PRIM2: variants seen among roughly 807,000 people sequenced by gnomAD.
The protein encoded by PRIM2 is DNA primase large subunit.
PRIM2 carries 39 observed loss-of-function variants against 67.3 expected under a neutral mutation model. The observed-to-expected ratio is 0.58, with a 90% confidence interval of 0.45 to 0.76. The LOEUF is 0.76. PRIM2 is among the 30% of genes least tolerant of loss of function. The pLI is 0.00. For missense variants in PRIM2, 398 were observed against 598.7 expected (o/e 0.66, Z 3.50); for synonymous variants, 143 against 198.7 (o/e 0.72, Z 2.36).
intron 7 of PRIM2, among the ~76,000 whole-genome samples, chr6:57,456,744 C>A (rs1332129817): frequency 9.9e-5 from 15 of 151,994 alleles, no homozygotes; most frequent in African/African-American, 3.1e-4. Flanking sequence ...CTTCCTCCTG[C>A]AGCTTGGAGT....
chr6:57,268,251 C>T, the PRIM2 span, among the ~76,000 whole-genome samples: 1 of 152,136 alleles, frequency 6.6e-6, no homozygotes, highest in Non-Finnish European at 1.5e-5. Flanking sequence ...GGAATGTAGC[C>T]AGAATGCCCA....
chr6:57,561,455 A>G (rs1775628036), intron 10 of PRIM2, among the ~76,000 whole-genome samples: 1 of 152,076 alleles, frequency 6.6e-6, no homozygotes, highest in African/African-American at 2.4e-5. Context: ...CTGGTCTCGA[A>G]CTCCTGAGCT....
chr6:57,478,584 C>T (rs2127404773), intron 7 of PRIM2, among the ~76,000 whole-genome samples: 1 of 152,172 alleles, frequency 6.6e-6, no homozygotes, highest in Admixed American at 6.5e-5. Flanking sequence ...ATTATTTAAT[C>T]TTGACTTTGT....
chr6:57,587,929 G>A (rs1294115701), intron 10 of PRIM2, among the ~76,000 whole-genome samples: 63 of 152,262 alleles, frequency 4.1e-4, no homozygotes, highest in Non-Finnish European at 6.0e-4. Context: ...GAGAGCAATC[G>A]CTAGTCCTTG....
At chr6:57,260,570 T>A in the PRIM2 span, among the ~76,000 whole-genome samples, 1 of 152,250 alleles carries the variant, frequency 6.6e-6, no homozygotes, top group South Asian at 2.1e-4. Context: ...TAGCATGATG[T>A]CATACGTTTG....
At chr6:57,277,416 A>AT in the PRIM2 span, among the ~76,000 whole-genome samples, 1 of 152,202 alleles carries the variant, frequency 6.6e-6, no homozygotes, top group African/African-American at 2.4e-5. Flanking sequence ...ACAAATATAT[A>AT]TTGAACACTT....
intron 11 of PRIM2, among the ~76,000 whole-genome samples, chr6:57,603,297 G>A (rs1776503472): frequency 6.6e-6 from 1 of 152,128 alleles, no homozygotes; most frequent in Non-Finnish European, 1.5e-5. Context: ...ATTTTCCCCA[G>A]TCATGTCCAA....
At position 57,576,806 on chromosome 6, in the gene PRIM2, A is replaced by C. The variant is rs1176138059; in HGVS notation, c.1021-24287A>C. ...TTGCAAATTGCAAGGAAAAAAAAAA[A>C]CACTAAGACATCTGAAAATTCCCCT... is the stretch of plus-strand genomic sequence containing the variant. On this transcript the variant is annotated intron_variant, in intron 10 of 13. Transcript: ENST00000615550. Among the ~76,000 whole-genome samples the C allele has an allele frequency of 1.4e-3, 206 of 148,142 alleles. 4 individuals are homozygous for C. The East Asian group carries it at 0.018, about 13-fold the overall frequency.
chr6:57,615,722 C>A, intron 12 of PRIM2, among the ~76,000 whole-genome samples: 1 of 152,038 alleles, frequency 6.6e-6, no homozygotes, highest in Non-Finnish European at 1.5e-5. Flanking sequence ...ATAGGTAGAC[C>A]CTGCCTTTAA....
At chr6:57,544,282 T>C (rs1366444915) in intron 10 of PRIM2, among the ~76,000 whole-genome samples, 4 of 151,892 alleles carry the variant, frequency 2.6e-5, no homozygotes, top group Non-Finnish European at 4.4e-5. Flanking sequence ...CTGACATCTC[T>C]CCAGCTGGAG....
the PRIM2 span, among the ~76,000 whole-genome samples, chr6:57,279,857 T>C: frequency 8.1e-3 from 1,234 of 152,236 alleles, 20 homozygotes; most frequent in African/African-American, 0.028. Context: ...GAAGTCCTGT[T>C]GAGTGAGGCT....
At chr6:57,336,854 T>G (rs1029345274) in intron 5 of PRIM2, among the ~76,000 whole-genome samples, 1 of 152,106 alleles carries the variant, frequency 6.6e-6, no homozygotes, top group Non-Finnish European at 1.5e-5. Flanking sequence ...AATTCACACA[T>G]AACAATATTA....
chr6:57,564,598 T>C, intron 10 of PRIM2, among the ~76,000 whole-genome samples: 2 of 152,312 alleles, frequency 1.3e-5, no homozygotes, highest in Non-Finnish European at 1.5e-5. Context: ...GAAAAGTAGC[T>C]ACCTCGAAGC....
At chr6:57,635,186 C>T (rs1490881569) in intron 13 of PRIM2, among the ~76,000 whole-genome samples, 1 of 152,040 alleles carries the variant, frequency 6.6e-6, no homozygotes, top group Non-Finnish European at 1.5e-5. Context: ...CCAGCTGCCT[C>T]ATTATAAGCT....
chr6:57,361,896 A>AG (rs1491346389), intron 5 of PRIM2, among the ~76,000 whole-genome samples: 3 of 145,994 alleles, frequency 2.1e-5, no homozygotes, highest in African/African-American at 8.4e-5. Flanking sequence ...CAAGGGTTAT[A>AG]GGGGGAAAAA....
chr6:57,593,590 G>A (rs1256692739), intron 10 of PRIM2, among the ~76,000 whole-genome samples: 48,369 of 152,032 alleles, frequency 0.32, 7,660 homozygotes, highest in East Asian at 0.44. Flanking sequence ...CACCGTGCCC[G>A]GCCTTCCTAC....
chr6:57,493,259 C>T (rs1299273520), intron 7 of PRIM2, among the ~76,000 whole-genome samples: 1 of 152,294 alleles, frequency 6.6e-6, no homozygotes, highest in South Asian at 2.1e-4. Flanking sequence ...AAAGTCACAG[C>T]CTACTGTTGT....
At chr6:57,608,722 A>G (rs1331321474) in intron 12 of PRIM2, among the ~76,000 whole-genome samples, 7 of 151,918 alleles carry the variant, frequency 4.6e-5, no homozygotes, top group Non-Finnish European at 8.8e-5. Flanking sequence ...CAAGAAAAAA[A>G]AAAAAAAAAA....
At chr6:57,340,454 C>G (rs1347913426) in intron 5 of PRIM2, among the ~76,000 whole-genome samples, 2 of 152,134 alleles carry the variant, frequency 1.3e-5, no homozygotes, top group Non-Finnish European at 2.9e-5. Flanking sequence ...TTGGAACCAA[C>G]CCAAATGTCC....
Sources: allele counts gnomAD v4.1 joint callset (sites outside exome capture counted in the v4.1 genomes callset), GRCh38; gene constraint gnomAD v4.1.1; transcripts MANE v1.5; gene names NCBI Gene and HGNC (gene_info 2026-07-23, HGNC 2026-07-21).